KRT4: variants seen among roughly 807,000 people sequenced by gnomAD.
KRT4 encodes the protein keratin, type II cytoskeletal 4.
In KRT4, 47 loss-of-function variants were observed where a neutral mutation model predicts 50.6. The observed-to-expected ratio is 0.93, with a 90% CI of 0.73 to 1.18. The LOEUF (loss-of-function observed/expected upper bound fraction) is 1.18, where lower values mean the gene tolerates loss of function less well. Among genes scored for constraint, KRT4 ranks in the 50% most tolerant of loss-of-function variants. The probability of loss-of-function intolerance (pLI) is 0.00; values close to 1 mark genes in which losing one functional copy is unlikely to be tolerated. For missense variants in KRT4, 651 were observed against 645.7 expected (o/e 1.01, Z -0.09); for synonymous variants, 254 against 251.2 (o/e 1.01, Z -0.10).
Position 52,808,853 on chromosome 12 carries a change from G to A in KRT4, c.835-3C>T. ...TGGGTCTGCATCTGGGACAGCTCCT[G>A]CAGGGCAAATGTCTCACATCAGCCC... On this transcript the variant is annotated splice_region_variant and splice_polypyrimidine_tract_variant and intron_variant, in intron 4 of 8. Coordinates refer to ENST00000551956, the MANE Select transcript of KRT4 (RefSeq NM_002272.4). 6.2e-7 allele frequency: 1 copy of A among 1,614,122 alleles called. No individual in the cohort carries two copies. The highest frequency in any genetic ancestry group is 1.3e-5 in the African/African-American group (1 of 75,070).
In KRT4 at chr12:52,809,435, T is replaced by C. The variant is rs1196722141; in HGVS notation, c.782A>G (p.Lys261Arg). 9 of 1,614,018 alleles carry C rather than the reference T, an allele frequency of 5.6e-6. No homozygotes were observed. The African/African-American group carries it at 9.3e-5, about 17-fold the overall frequency. ...GATCTCGTCATTAAGACTGTCCACC[T>C]TGGCCTCCAACTCCACCTTGTTCAG... ...AYLNKVELEAKVDSLNDEINF... is the reference protein window; with the variant it reads ...AYLNKVELEARVDSLNDEINF... Residue 261 changes from lysine (K) to arginine (R), a missense_variant, in exon 4 of 9, where the codon AAG becomes AGG. Transcript: ENST00000551956.
rs770228395 is a variant in KRT4 at position 52,811,821 on chromosome 12, C to G, written c.619G>C (p.Gly207Arg). 2 of 1,614,030 alleles carry G rather than the reference C, an allele frequency of 1.2e-6. No homozygotes were observed. Residue 207 changes from glycine (G) to arginine (R), a missense_variant, in exon 2 of 9, where the codon GGG (glycine) becomes CGG (arginine). By Grantham distance (125) the Gly-to-Arg change is moderately radical. Coordinates refer to ENST00000551956, the MANE Select transcript of KRT4 (RefSeq NM_002272.4). ...KQLDTLGNDK[G>R]RLQSELKTMQ... ...GTCTTCAGCTCAGACTGCAGGCGCC[C>G]TTTGTCATTGCCCAAGGTATCTAGC... is the stretch of plus-strand genomic sequence containing the variant.
At chr12:52,808,456 G>A (rs1443141615) in intron 5 of KRT4, 37 bp from the exon 6 acceptor site, 3 of 1,612,120 alleles carry the variant, frequency 1.9e-6, no homozygotes, top group Non-Finnish European at 2.5e-6. Context: ...CAGGTGTTAG[G>A]GGCATTTGGG....
At chr12:52,811,419 G>A in intron 2 of KRT4, 1 of 319,530 alleles carries the variant, frequency 3.1e-6, no homozygotes, top group Non-Finnish European at 5.9e-6. Context: ...AGGTCACACA[G>A]CTAGTAAGTG....
chr12:52,809,005 A>T (rs1939859432), intron 4 of KRT4, 155 bp from the exon 5 acceptor site: 4 of 814,482 alleles, frequency 4.9e-6, no homozygotes, highest in South Asian at 4.3e-5. Context: ...ACAGTTCAGG[A>T]TGGAAGAGCA....
intron 5 of KRT4, 52 bp from the exon 6 acceptor site, chr12:52,808,471 G>T: frequency 6.2e-7 from 1 of 1,610,998 alleles, no homozygotes; most frequent in South Asian, 1.1e-5. Context: ...TTTGGGTAGG[G>T]TCCATTCTCA....
intron 5 of KRT4, 29 bp from the exon 6 acceptor site, chr12:52,808,448 G>A (rs1320654702): frequency 1.9e-6 from 3 of 1,612,544 alleles, no homozygotes; most frequent in Non-Finnish European, 2.5e-6. Context: ...CAGAGAACCA[G>A]GTGTTAGGGG....
In KRT4 at chr12:52,814,031, C is replaced by T. The variant is rs777130445; in HGVS notation, c.28G>A (p.Gly10Ser). Residue 10 changes from glycine to serine, a missense_variant, in exon 1 of 9, where the codon GGC (glycine) becomes AGC (serine). Gly to Ser is a moderately conservative substitution (Grantham distance 56, BLOSUM62 0). Transcript: ENST00000551956. Reference protein sequence around the residue: MIARQQCVRGGPRGFSCGSA... With the variant: MIARQQCVRSGPRGFSCGSA... ...CCACAGCTGAAGCCCCGGGGCCCGC[C>T]TCGGACACACTGCTGTCTGGCAATC... 1 of 1,613,904 alleles carries T rather than the reference C, an allele frequency of 6.2e-7. No individual in the cohort carries two copies. The highest frequency in any genetic ancestry group is 1.1e-5 in the South Asian group (1 of 91,080).
At chr12:52,812,021 G>A (rs995202586) in intron 1 of KRT4, 44 bp from the exon 2 acceptor site, 3 of 1,523,026 alleles carry the variant, frequency 2.0e-6, no homozygotes, top group Admixed American at 3.6e-5. Context: ...GGCCTGAAGT[G>A]TGGCAGGAGG....
At position 52,810,740 on chromosome 12, in the gene KRT4, A is replaced by C. The variant is rs17119420; in HGVS notation, c.738+16T>G. ...GGGCACCCTGAAGGCACTCCCTACC[A>C]TCCTTCGTCTCTTACCTTCTTTAGG... On this transcript the variant is annotated intron_variant, in intron 3 of 8. Coordinates refer to ENST00000551956, the MANE Select transcript of KRT4 (RefSeq NM_002272.4). The C allele has an allele frequency of 0.047, 75,662 of 1,611,642 alleles. 2,571 individuals are homozygous for C. The highest frequency in any genetic ancestry group is 0.17 in the African/African-American group (12,784 of 74,792).
At chr12:52,813,547 C>G in intron 1 of KRT4, 50 bp downstream of exon 1, 4 of 1,530,094 alleles carry the variant, frequency 2.6e-6, no homozygotes, top group Non-Finnish European at 3.6e-6. Context: ...CCCCAGGACT[C>G]AGGACCCCTC....
In KRT4 at chr12:52,810,835, A is replaced by G. The variant is rs1459006539; in HGVS notation, c.678-19T>C. On this transcript the variant is annotated intron_variant, in intron 2 of 8. Transcript: ENST00000551956. ...TTCATACCTGGGGGTGGGCACGGGG[A>G]GAAAAAGACAAAAACCCACAGTGAG... The G allele has an allele frequency of 1.9e-6, 3 of 1,606,864 alleles. No individual in the cohort carries two copies. Among genetic ancestry groups the G allele is most frequent in the Admixed American group, 3.3e-5 (2 of 60,008 alleles).
rs556920531 is a variant in KRT4, at chr12:52,813,658, C to T, written c.401G>A (p.Arg134Gln). ...CTTGATCTGTTCGCGCTCTTCCGTCCGGACTTTCTGGATCTCAGGGTCAAT... is the reference window on the plus strand; with the variant it reads ...CTTGATCTGTTCGCGCTCTTCCGTCTGGACTTTCTGGATCTCAGGGTCAAT... ...VEIDPEIQKV[R>Q]TEEREQIKLL... is the part of the protein sequence containing the mutation. The change falls in exon 1 of 9, where the codon CGG becomes CAG. Residue 134 changes from arginine to glutamine, a missense_variant. Arg to Gln is a conservative substitution (Grantham distance 43). Transcript: ENST00000551956. 1.4e-5 allele frequency: 23 copies of T among 1,614,148 alleles called. No individual in the cohort carries two copies. Among genetic ancestry groups the T allele is most frequent in the South Asian group, 8.8e-5 (8 of 91,080 alleles).
chr12:52,811,528 G>A (rs1005832172), intron 2 of KRT4: 19 of 544,344 alleles, frequency 3.5e-5, no homozygotes, highest in Admixed American at 1.2e-4. Flanking sequence ...GATCTTGTTC[G>A]TATATGGCAG....
rs893330707 is a variant in KRT4 at position 52,809,419 on chromosome 12, A to T, written c.798T>A (p.Asn266Lys). ...VELEAKVDSL[N>K]DEINFLKVLY... ...GGACCTTCAGGAAGTTGATCTCGTC[A>T]TTAAGACTGTCCACCTTGGCCTCCA... Residue 266 changes from asparagine (N) to lysine (K), a missense_variant, in exon 4 of 9, where the codon AAT becomes AAA. Physicochemically the swap from Asn to Lys is moderately conservative, Grantham distance 94. Transcript: ENST00000551956. 5 of 1,614,176 alleles carry T rather than the reference A, an allele frequency of 3.1e-6. No individual in the cohort carries two copies. The highest frequency in any genetic ancestry group is 4.2e-6 in the Non-Finnish European group (5 of 1,179,996).
chr12:52,809,412 T>A lies in KRT4; in HGVS notation c.805A>T (p.Ile269Phe). 1 of 1,614,114 alleles carries A rather than the reference T, an allele frequency of 6.2e-7. No individual in the cohort carries two copies. Among genetic ancestry groups the A allele is most frequent in the Non-Finnish European group, 8.5e-7 (1 of 1,179,946 alleles). ...TCATAGAGGACCTTCAGGAAGTTGATCTCGTCATTAAGACTGTCCACCTTG... is the reference window on the plus strand; with the variant it reads ...TCATAGAGGACCTTCAGGAAGTTGAACTCGTCATTAAGACTGTCCACCTTG... ...EAKVDSLNDEINFLKVLYDAE... is the reference protein window; with the variant it reads ...EAKVDSLNDEFNFLKVLYDAE... The change falls in exon 4 of 9, where the codon ATC becomes TTC. Residue 269 changes from isoleucine to phenylalanine, a missense_variant. Transcript: ENST00000551956.
Position 52,806,970 on chromosome 12 carries a change from G to A in KRT4, c.*99C>T, listed in dbSNP as rs1007486943. 76 of 1,157,688 alleles carry A rather than the reference G, an allele frequency of 6.6e-5. No individual in the cohort carries two copies. Among genetic ancestry groups the A allele is most frequent in the African/African-American group, 4.7e-4 (31 of 66,404 alleles). 71.7% of individuals were successfully genotyped at this position (1,157,688 alleles called of 1,614,324 possible). Reference sequence around the variant, plus strand: ...ATAGTGGAGGGGATACTAGTAAGATGAGCCCCAGAGACAGAGGATGGAGGT... The same window carrying A: ...ATAGTGGAGGGGATACTAGTAAGATAAGCCCCAGAGACAGAGGATGGAGGT... On this transcript the variant is annotated 3_prime_UTR_variant, in exon 9 of 9. Transcript: ENST00000551956.
chr12:52,808,755 C>T lies in KRT4; in HGVS notation c.930G>A (p.Glu310=). ...CAATCTCCTCGTACTGGGCACGGAC[C>T]TCGGCAATAATGCTGTCCAGGTCCA... The part of the protein sequence containing the change: ...RNLDLDSIIA[E]VRAQYEEIAQ... Residue 310 remains glutamate, a synonymous_variant, in exon 5 of 9, where the codon GAG becomes GAA. Transcript: ENST00000551956. 1 of 1,614,200 alleles carries T rather than the reference C, an allele frequency of 6.2e-7. No individual in the cohort carries two copies. Among genetic ancestry groups the T allele is most frequent in the South Asian group, 1.1e-5 (1 of 91,084 alleles).
At position 52,808,759 on chromosome 12, in the gene KRT4, G is replaced by T; in HGVS notation, c.926C>A (p.Ala309Asp). Residue 309 changes from alanine (A) to aspartate (D), a missense_variant, in exon 5 of 9, where the codon GCC becomes GAC. Transcript: ENST00000551956. ...CTCCTCGTACTGGGCACGGACCTCG[G>T]CAATAATGCTGTCCAGGTCCAGGTT... is the stretch of plus-strand genomic sequence containing the variant. Reference protein sequence around the residue: ...NRNLDLDSIIAEVRAQYEEIA... With the variant: ...NRNLDLDSIIDEVRAQYEEIA... 1 of 1,614,162 alleles carries T rather than the reference G, an allele frequency of 6.2e-7. No homozygotes were observed. The highest frequency in any genetic ancestry group is 8.5e-7 in the Non-Finnish European group (1 of 1,180,012).
Sources: allele counts gnomAD v4.1 joint callset, GRCh38; gene constraint gnomAD v4.1.1; transcripts MANE v1.5; gene names NCBI Gene and HGNC (gene_info 2026-07-23, HGNC 2026-07-21).